The following NECAB2 variants were observed in gnomAD, a reference collection of about 807,000 sequenced individuals.
The protein encoded by NECAB2 is N-terminal EF-hand calcium binding protein 2.
A neutral mutation model predicts 51.9 loss-of-function variants in NECAB2; 68 were observed. That is an observed-to-expected ratio of 1.31 (90% CI 1.08 to 1.60). The LOEUF is 1.60. Ranked by LOEUF, NECAB2 falls within the 40% of genes most tolerant of loss-of-function variation. NECAB2 has a pLI of 0.00. For missense variants in NECAB2, 854 were observed against 490.3 expected, an observed-to-expected ratio of 1.74 and a Z score of -7.00; for synonymous variants, 329 against 203.5, an observed-to-expected ratio of 1.62 and a Z score of -5.25.
chr16:83,996,199 C>T lies in NECAB2; in HGVS notation c.796-1017C>T, dbSNP rs369867458. ...CAGGGGCCACAGTGCCTCTCCTCAT[C>T]CTCCTATGGCTTTTCCAGCCCCAGG... is the stretch of plus-strand genomic sequence containing the variant. On this transcript the variant is annotated intron_variant, in intron 8 of 12. Coordinates refer to ENST00000305202, the MANE Select transcript of NECAB2 (RefSeq NM_019065.3). Among the ~76,000 whole-genome samples the T allele has an allele frequency of 2.6e-5, 4 of 152,328 alleles. No individual in the cohort carries two copies. The East Asian group carries it at 5.8e-4, about 22-fold the overall frequency.
intron 10 of NECAB2, 126 bp downstream of exon 10, chr16:83,998,443 G>A (rs112625688): frequency 1.2e-6 from 1 of 863,012 alleles, no homozygotes; most frequent in Non-Finnish European, 1.8e-6. Context: ...CACACAGCTG[G>A]ATGCGTAAGA....
At position 84,002,548 on chromosome 16, in the gene NECAB2, C is replaced by A; in HGVS notation, c.*202C>A. The A allele has an allele frequency of 1.5e-6, 1 of 670,148 alleles. No individual in the cohort carries two copies. The highest frequency in any genetic ancestry group is 2.5e-6 in the Non-Finnish European group (1 of 394,396). 41.5% of individuals were successfully genotyped at this position (670,148 alleles called of 1,614,324 possible). The stretch of plus-strand genomic sequence containing the variant: ...AGAGCAGTGTCTGTGCTGCCAGGTC[C>A]TGGTGAAGCCCAAGGTTGAAGGGGG... On this transcript the variant is annotated 3_prime_UTR_variant, in exon 13 of 13. Transcript: ENST00000305202.
chr16:83,965,502 C>T (rs138963538), upstream of NECAB2: 63 of 1,611,772 alleles, frequency 3.9e-5, no homozygotes, highest in Middle Eastern at 1.6e-4. Flanking sequence ...TACAACATCC[C>T]GGTGATCCAT....
chr16:84,002,429 T>TG lies in NECAB2; in HGVS notation c.*85dup. On this transcript the variant is annotated 3_prime_UTR_variant, in exon 13 of 13. Coordinates refer to ENST00000305202, the MANE Select transcript of NECAB2 (RefSeq NM_019065.3). ...CCCGTTTTTTTCTAGACAGACACTT[T>TG]GGTGCAGAAGCTTCTTTTCAATCCA... The TG allele has an allele frequency of 6.6e-7, 1 of 1,513,120 alleles. No homozygotes were observed. Among genetic ancestry groups the TG allele is most frequent in the Non-Finnish European group, 9.2e-7 (1 of 1,091,558 alleles). 93.7% of individuals were successfully genotyped at this position (1,513,120 alleles called of 1,614,324 possible). A position where few individuals can be genotyped will look rare whatever the true frequency, so the allele number is the denominator to read the frequency against.
chr16:83,995,874 C>T (rs1353310218), intron 8 of NECAB2, among the ~76,000 whole-genome samples: 1 of 152,178 alleles, frequency 6.6e-6, no homozygotes, highest in Non-Finnish European at 1.5e-5. Context: ...GGAGGGGACC[C>T]CGTGGCCCGG....
chr16:83,999,729 C>T (rs958904403), intron 10 of NECAB2, among the ~76,000 whole-genome samples: 1 of 152,074 alleles, frequency 6.6e-6, no homozygotes, highest in Non-Finnish European at 1.5e-5. Flanking sequence ...GGGGGACTTG[C>T]CTGCAGCCCC....
At chr16:83,986,181 T>G (rs1213309300) in intron 5 of NECAB2, among the ~76,000 whole-genome samples, 2 of 152,028 alleles carry the variant, frequency 1.3e-5, no homozygotes, top group African/African-American at 2.4e-5. Flanking sequence ...CACGCCCGGC[T>G]AATTTTTGTG....
rs143185483 is a variant in NECAB2 at position 84,001,858 on chromosome 16, G to T, written c.1074G>T (p.Arg358=). ...HLQSPLCKAF[R]HVKVDTLSQP... is the part of the protein sequence containing the mutation. ...AGAGCCCCCTGTGTAAGGCGTTCCGGCACGTCAAGGTGGACACACTGAGCC... is the reference window on the plus strand; with the variant it reads ...AGAGCCCCCTGTGTAAGGCGTTCCGTCACGTCAAGGTGGACACACTGAGCC... The change falls in exon 12 of 13, where the codon CGG becomes CGT. Residue 358 remains arginine (R), a synonymous_variant. Transcript: ENST00000305202. The T allele has an allele frequency of 1.9e-6, 3 of 1,613,996 alleles. No individual in the cohort carries two copies. In the African/African-American group the frequency reaches 4.0e-5, roughly 22 times the overall value.
At position 84,002,454 on chromosome 16, in the gene NECAB2, A is replaced by G. The variant is rs1373124809; in HGVS notation, c.*108A>G. 2.1e-6 allele frequency: 3 copies of G among 1,404,230 alleles called. No homozygotes were observed. Among genetic ancestry groups the G allele is most frequent in the Non-Finnish European group, 3.0e-6 (3 of 998,174 alleles). The allele number at this position is 1,404,230 out of a possible 1,614,324, so 87.0% of individuals were successfully genotyped here. A position where few individuals can be genotyped will look rare whatever the true frequency, so the allele number is the denominator to read the frequency against. On this transcript the variant is annotated 3_prime_UTR_variant, in exon 13 of 13. Coordinates refer to ENST00000305202, the MANE Select transcript of NECAB2 (RefSeq NM_019065.3). ...TGGTGCAGAAGCTTCTTTTCAATCC[A>G]TCCTCCACAAGAAGGTGTTTCCCTG...
intron 2 of NECAB2, among the ~76,000 whole-genome samples, chr16:83,975,058 G>T (rs2084392144): frequency 6.9e-6 from 1 of 145,046 alleles, no homozygotes; most frequent in Admixed American, 6.8e-5. Context: ...ATGAGAGCAG[G>T]TGTGCAGGGA....
chr16:83,976,083 C>G (rs1222219894), intron 2 of NECAB2, among the ~76,000 whole-genome samples: 1 of 152,048 alleles, frequency 6.6e-6, no homozygotes, highest in African/African-American at 2.4e-5. Flanking sequence ...CAGAGGGGGC[C>G]CAAGGTACCT....
At chr16:83,997,662 G>GGGTTCAAGCAATTCTCCTGCCTCA (rs2084733081) in intron 9 of NECAB2, among the ~76,000 whole-genome samples, 2 of 151,044 alleles carry the variant, frequency 1.3e-5, no homozygotes, top group African/African-American at 4.9e-5. Flanking sequence ...TAATTTTTTT[G>GGGTTCAAGCAATTCTCCTGCCTCA]GTATTTTTAG....
intron 3 of NECAB2, among the ~76,000 whole-genome samples, chr16:83,979,267 C>G (rs1473779388): frequency 6.6e-6 from 1 of 152,170 alleles, no homozygotes; most frequent in South Asian, 2.1e-4. Context: ...CTTTCTCAGG[C>G]CTACTCGCGT....
chr16:83,990,973 G>A (rs1046067006), intron 6 of NECAB2, among the ~76,000 whole-genome samples: 5 of 151,978 alleles, frequency 3.3e-5, no homozygotes, highest in Admixed American at 2.6e-4. Flanking sequence ...TTTGGCCCAC[G>A]TTTTATTTAT....
At chr16:83,965,653 C>T (rs1458091714), upstream of NECAB2, 2 of 1,613,428 alleles carry the variant, frequency 1.2e-6, no homozygotes, top group East Asian at 2.2e-5. Context: ...GTTACCGCAG[C>T]CTCCCCAGGC....
chr16:83,996,440 G>C (rs2084700289), intron 8 of NECAB2, among the ~76,000 whole-genome samples: 1 of 152,168 alleles, frequency 6.6e-6, no homozygotes, highest in African/African-American at 2.4e-5. Flanking sequence ...TCATCCACCT[G>C]CTGCTGTTTT....
At position 83,994,393 on chromosome 16, in the gene NECAB2, A is replaced by T; in HGVS notation, c.688A>T (p.Met230Leu). Reference protein sequence around the residue: ...ASAPNHKLMAMEQGKTLPSAT... With the variant: ...ASAPNHKLMALEQGKTLPSAT... ...TGCCCCCAACCACAAGCTCATGGCT[A>T]TGGAACAAGGCAAGACCCTTCCATC... Residue 230 changes from methionine to leucine, a missense_variant, in exon 7 of 13, where the codon ATG becomes TTG. By Grantham distance (15) the Met-to-Leu change is conservative. Transcript: ENST00000305202. The T allele has an allele frequency of 2.5e-6, 4 of 1,614,168 alleles. No homozygotes were observed. Among genetic ancestry groups the T allele is most frequent in the Non-Finnish European group, 3.4e-6 (4 of 1,180,018 alleles).
chr16:83,971,986 C>A, intron 1 of NECAB2, 165 bp from the exon 2 acceptor site: 3 of 897,364 alleles, frequency 3.3e-6, no homozygotes, highest in East Asian at 2.6e-5. Context: ...TCATCAGTTC[C>A]CCCTGGATCC....
intron 2 of NECAB2, among the ~76,000 whole-genome samples, chr16:83,973,153 G>A (rs2084367163): frequency 6.6e-6 from 1 of 152,242 alleles, no homozygotes; most frequent in Non-Finnish European, 1.5e-5. Context: ...GCCTGTGGCA[G>A]GGGAAGAGCA....
Sources: allele counts gnomAD v4.1 joint callset (sites outside exome capture counted in the v4.1 genomes callset), GRCh38; gene constraint gnomAD v4.1.1; transcripts MANE v1.5; gene names NCBI Gene and HGNC (gene_info 2026-07-23, HGNC 2026-07-21).